SPSB4: variants seen among roughly 807,000 people sequenced by gnomAD.
SPSB4 encodes SPRY domain-containing SOCS box protein 4.
Under a neutral mutation model 20.9 loss-of-function variants are expected in SPSB4, and 21 were observed. The ratio of observed to expected loss-of-function variants is 1.01; its 90% CI spans 0.71 to 1.45. SPSB4 has a LOEUF of 1.45. Among genes scored for constraint, SPSB4 ranks in the 40% most tolerant of loss-of-function variants. The pLI is 0.00. For synonymous variants in SPSB4, 207 were observed against 183.8 expected (o/e 1.13, Z -1.02); for missense variants, 399 against 399.2 (o/e 1.00, Z 0.00).
Position 141,066,166 on chromosome 3 carries a change from C to A in SPSB4, c.62C>A (p.Pro21Gln), listed in dbSNP as rs760490073. Residue 21 changes from proline to glutamine, a missense_variant, in exon 2 of 3, where the codon CCG becomes CAG. Pro to Gln is a moderately conservative substitution (Grantham distance 76, BLOSUM62 -1). Coordinates refer to ENST00000310546, the MANE Select transcript of SPSB4 (RefSeq NM_080862.3). ...SVEVREPALR[P>Q]AKRELRGAEP... is the part of the protein sequence containing the mutation. ...GAGGTGCGAGAGCCGGCGCTGCGGCCGGCCAAGCGGGAGCTGCGGGGTGCA... is the reference window on the plus strand; with the variant it reads ...GAGGTGCGAGAGCCGGCGCTGCGGCAGGCCAAGCGGGAGCTGCGGGGTGCA... The A allele has an allele frequency of 1.2e-5, 19 of 1,531,978 alleles. No individual in the cohort carries two copies. In the South Asian group the frequency reaches 2.3e-4, roughly 18 times the overall value. The allele number at this position is 1,531,978 out of a possible 1,614,324, so 94.9% of individuals were successfully genotyped here. A position where few individuals can be genotyped will look rare whatever the true frequency, so the allele number is the denominator to read the frequency against.
chr3:141,111,437 G>A (rs1276035568), intron 2 of SPSB4, among the ~76,000 whole-genome samples: 2 of 138,458 alleles, frequency 1.4e-5, no homozygotes, highest in African/African-American at 2.8e-5. Flanking sequence ...AAGGATTAAG[G>A]GAAATGATTT....
At position 141,066,754 on chromosome 3, in the gene SPSB4, G is replaced by T; in HGVS notation, c.650G>T (p.Trp217Leu). 1 of 1,589,752 alleles carries T rather than the reference G, an allele frequency of 6.3e-7. No homozygotes were observed. The highest frequency in any genetic ancestry group is 8.6e-7 in the Non-Finnish European group (1 of 1,166,644). ...CTGTACCCGGTGGTGAGTGCCGTGT[G>T]GGGCCACTGTGAAGTCACCATGCGC... ...KKLYPVVSAV[W>L]GHCEVTMRYI... Residue 217 changes from tryptophan (W) to leucine (L), a missense_variant, in exon 2 of 3, where the codon TGG becomes TTG. Physicochemically the swap from Trp to Leu is moderately conservative, Grantham distance 61. Transcript: ENST00000310546.
chr3:141,104,622 G>A (rs773914002), intron 2 of SPSB4, among the ~76,000 whole-genome samples: 21 of 152,190 alleles, frequency 1.4e-4, no homozygotes, highest in Non-Finnish European at 2.5e-4. Context: ...ACAGGTGGCC[G>A]GTGTCAGGCA....
intron 2 of SPSB4, among the ~76,000 whole-genome samples, chr3:141,078,935 C>T (rs1938168710): frequency 1.3e-5 from 2 of 152,160 alleles, no homozygotes; most frequent in African/African-American, 2.4e-5. Flanking sequence ...GAATGAGCTG[C>T]TGCATCACTC....
chr3:141,087,902 A>G (rs1576525615), intron 2 of SPSB4, among the ~76,000 whole-genome samples: 1 of 152,126 alleles, frequency 6.6e-6, no homozygotes, highest in African/African-American at 2.4e-5. Context: ...ACCTTAAATG[A>G]TAGACTTTTC....
At chr3:141,092,044 A>G (rs907865679) in intron 2 of SPSB4, among the ~76,000 whole-genome samples, 2 of 152,224 alleles carry the variant, frequency 1.3e-5, no homozygotes, top group South Asian at 2.1e-4. Flanking sequence ...GGAGGAAGCT[A>G]TGAACCCAGA....
At chr3:141,070,487 C>G (rs1300091878) in intron 2 of SPSB4, among the ~76,000 whole-genome samples, 1 of 152,018 alleles carries the variant, frequency 6.6e-6, no homozygotes, top group African/African-American at 2.4e-5. Context: ...TATGCCACCA[C>G]TCCTGGCATA....
intron 2 of SPSB4, among the ~76,000 whole-genome samples, chr3:141,122,999 T>A (rs1938993648): frequency 6.6e-6 from 1 of 152,220 alleles, no homozygotes; most frequent in South Asian, 2.1e-4. Context: ...CAGTTGGAAA[T>A]GCAGAAATCA....
chr3:141,069,057 G>A (rs938544114), intron 2 of SPSB4, among the ~76,000 whole-genome samples: 2 of 152,204 alleles, frequency 1.3e-5, no homozygotes, highest in African/African-American at 4.8e-5. Flanking sequence ...AATCTAGGAG[G>A]CAAGAGAGGC....
intron 2 of SPSB4, among the ~76,000 whole-genome samples, chr3:141,108,194 G>A (rs759968682): frequency 2.0e-5 from 3 of 151,998 alleles, no homozygotes; most frequent in East Asian, 3.9e-4. Context: ...ACCCCTTCTC[G>A]TGGGAGTCTC....
intron 2 of SPSB4, among the ~76,000 whole-genome samples, chr3:141,088,639 G>C (rs1938394781): frequency 2.0e-5 from 3 of 152,224 alleles, no homozygotes; most frequent in Non-Finnish European, 4.4e-5. Flanking sequence ...GGAGACAGGA[G>C]TCCATGGTTA....
At chr3:141,087,397 G>T (rs1379325358) in intron 2 of SPSB4, among the ~76,000 whole-genome samples, 1 of 152,196 alleles carries the variant, frequency 6.6e-6, no homozygotes, top group South Asian at 2.1e-4. Flanking sequence ...GCACCAGGGG[G>T]CCTTGGACAG....
rs1255645765 is a variant in SPSB4 at position 141,096,632 on chromosome 3, A to G, written c.694+29834A>G. Among the ~76,000 whole-genome samples the G allele has an allele frequency of 3.3e-5, 5 of 152,214 alleles. No individual in the cohort carries two copies. In the South Asian group the frequency reaches 8.3e-4, roughly 25 times the overall value. On this transcript the variant is annotated intron_variant, in intron 2 of 2. Coordinates refer to ENST00000310546, the MANE Select transcript of SPSB4 (RefSeq NM_080862.3). ...TTTGTGCTGTCTCTCTTTTTCCAGC[A>G]TGTGCTGCTCACGCATTTGGTAACA... is the stretch of plus-strand genomic sequence containing the variant.
At chr3:141,124,975 C>T (rs141219146) in intron 2 of SPSB4, among the ~76,000 whole-genome samples, 236 of 152,224 alleles carry the variant, frequency 1.6e-3, no homozygotes, top group African/African-American at 5.6e-3. Flanking sequence ...GCCAGGCTAA[C>T]GAGGGTCCCA....
At chr3:141,070,155 G>A (rs1429718976) in intron 2 of SPSB4, among the ~76,000 whole-genome samples, 1 of 152,168 alleles carries the variant, frequency 6.6e-6, no homozygotes, top group African/African-American at 2.4e-5. Context: ...GAAGTATGGA[G>A]CCAAGGCCAG....
At chr3:141,056,521 A>C (rs1042400988) in intron 1 of SPSB4, among the ~76,000 whole-genome samples, 1 of 152,188 alleles carries the variant, frequency 6.6e-6, no homozygotes, top group African/African-American at 2.4e-5. Flanking sequence ...CCCTATTATG[A>C]CCTGGCTCAA....
At chr3:141,071,432 T>C (rs1938000493) in intron 2 of SPSB4, among the ~76,000 whole-genome samples, 1 of 152,130 alleles carries the variant, frequency 6.6e-6, no homozygotes, top group South Asian at 2.1e-4. Context: ...GATGACACTT[T>C]TGTTGGCTCC....
chr3:141,140,714 G>A (rs562698805), intron 2 of SPSB4, among the ~76,000 whole-genome samples: 3 of 152,168 alleles, frequency 2.0e-5, no homozygotes, highest in Non-Finnish European at 4.4e-5. Flanking sequence ...AGGAGTACCC[G>A]GCCGTGTGAG....
At chr3:141,079,280 A>G (rs1938180168) in intron 2 of SPSB4, among the ~76,000 whole-genome samples, 1 of 149,782 alleles carries the variant, frequency 6.7e-6, no homozygotes, top group Non-Finnish European at 1.5e-5. Context: ...AAAAAAAAAG[A>G]AAAGCACATT....
Sources: gnomAD v4.1 joint callset for allele counts (sites outside exome capture counted in the v4.1 genomes callset) on GRCh38, gnomAD v4.1.1 for gene constraint, MANE v1.5 for transcripts, NCBI Gene and HGNC (gene_info 2026-07-23, HGNC 2026-07-21) for gene names.